NT5C2: variants seen among roughly 807,000 people sequenced by gnomAD.
NT5C2 encodes the protein cytosolic purine 5'-nucleotidase.
NT5C2 carries 58 observed loss-of-function variants against 76.1 expected under a neutral mutation model. That is an observed-to-expected ratio of 0.76 (90% confidence interval 0.62 to 0.95). The LOEUF (loss-of-function observed/expected upper bound fraction) is 0.95. Among genes scored for constraint, NT5C2 ranks in the 40% least tolerant of loss-of-function variants. The pLI is 0.00. For missense variants in NT5C2, 478 were observed against 690.3 expected (o/e 0.69, Z 3.45); for synonymous variants, 229 against 237.4 (o/e 0.96, Z 0.32).
At chr10:103,149,060 G>A (rs1218048933) in intron 3 of NT5C2, among the ~76,000 whole-genome samples, 1 of 152,096 alleles carries the variant, frequency 6.6e-6, no homozygotes, top group Non-Finnish European at 1.5e-5. Context: ...GTCCAGGGAG[G>A]GGGAAAATCT....
chr10:103,161,845 C>A (rs1424899021), intron 3 of NT5C2, among the ~76,000 whole-genome samples: 1 of 152,012 alleles, frequency 6.6e-6, no homozygotes, highest in Non-Finnish European at 1.5e-5. Context: ...TCCATAGAGA[C>A]AGAAAGTAAA....
rs2066171375 is a variant in NT5C2, at chr10:103,089,608, CGTTT to C, written c.*60_*63del. On this transcript the variant is annotated 3_prime_UTR_variant, in exon 19 of 19. Coordinates refer to ENST00000404739, the MANE Select transcript of NT5C2 (RefSeq NM_001351169.2). Reference sequence around the variant, plus strand: ...CCGAGTAGAACCCTAACAGGGACCTCGTTTGTTCCTGTGAGTCCTGCCAGGACTT... The same window carrying C: ...CCGAGTAGAACCCTAACAGGGACCTCGTTCCTGTGAGTCCTGCCAGGACTT... 1.3e-6 allele frequency: 2 copies of C among 1,493,834 alleles called. No individual in the cohort carries two copies. Among genetic ancestry groups the C allele is most frequent in the African/African-American group, 2.8e-5 (2 of 71,336 alleles). 92.5% of individuals were successfully genotyped at this position (1,493,834 alleles called of 1,614,324 possible). A position where few individuals can be genotyped will look rare whatever the true frequency, so the allele number is the denominator to read the frequency against.
chr10:103,133,274 T>C (rs2078577700), intron 4 of NT5C2, among the ~76,000 whole-genome samples: 1 of 139,936 alleles, frequency 7.1e-6, no homozygotes, highest in Non-Finnish European at 1.6e-5. Flanking sequence ...TCCATTAAAC[T>C]TTTTTTTTTT....
Position 103,105,329 on chromosome 10 carries a change from AT to A in NT5C2, c.389+376del, listed in dbSNP as rs1215008705. 6.7e-6 allele frequency: 5 copies of A among 750,686 alleles called. No individual in the cohort carries two copies. In the East Asian group the frequency reaches 4.8e-4, roughly 72 times the overall value. 46.5% of individuals were successfully genotyped at this position (750,686 alleles called of 1,614,324 possible). A position where few individuals can be genotyped will look rare whatever the true frequency, so the allele number is the denominator to read the frequency against. On this transcript the variant is annotated intron_variant, in intron 6 of 18. Coordinates refer to ENST00000404739, the MANE Select transcript of NT5C2 (RefSeq NM_001351169.2). ...ATCATTTAAATTGCTATAGTTTAAA[AT>A]TTTTTCAAAGCATTTTTATATACAT...
At chr10:103,190,582 A>C (rs2092562395) in intron 1 of NT5C2, among the ~76,000 whole-genome samples, 1 of 152,198 alleles carries the variant, frequency 6.6e-6, no homozygotes, top group Non-Finnish European at 1.5e-5. Context: ...TTCCCTTCTC[A>C]AGGTGAGAGA....
At chr10:103,115,322 A>C (rs1166298702) in intron 4 of NT5C2, among the ~76,000 whole-genome samples, 1 of 152,138 alleles carries the variant, frequency 6.6e-6, no homozygotes, top group Non-Finnish European at 1.5e-5. Context: ...GAATTGCTTG[A>C]ACCCGGGAGG....
At chr10:103,110,290 T>C (rs1043053214) in intron 4 of NT5C2, among the ~76,000 whole-genome samples, 1 of 152,122 alleles carries the variant, frequency 6.6e-6, no homozygotes, top group African/African-American at 2.4e-5. Flanking sequence ...ACCCCGTCTC[T>C]ACTAAAAACA....
At chr10:103,097,252 A>T in intron 11 of NT5C2, 39 bp downstream of exon 11, 1 of 1,445,494 alleles carries the variant, frequency 6.9e-7, no homozygotes, top group Non-Finnish European at 9.6e-7. Context: ...GGCCAAAATA[A>T]TTCCACTGCA....
rs750090430 is a variant in NT5C2, at chr10:103,097,315, G to T, written c.747C>A (p.Thr249=). The change falls in exon 11 of 19, where the codon ACC becomes ACA. Residue 249 remains threonine (T), a synonymous_variant. Transcript: ENST00000404739. ...CATCTGTATATTTATAGTCACTGTTGGTAGCAAGAAATACTTTCCCTACTT... is the reference window on the plus strand; with the variant it reads ...CATCTGTATATTTATAGTCACTGTTTGTAGCAAGAAATACTTTCCCTACTT... The part of the protein sequence containing the change: ...MKEVGKVFLA[T]NSDYKYTDKI... 1.4e-5 allele frequency: 23 copies of T among 1,613,056 alleles called. No individual in the cohort carries two copies. Among genetic ancestry groups the T allele is most frequent in the Non-Finnish European group, 2.0e-5 (23 of 1,179,392 alleles).
intron 4 of NT5C2, among the ~76,000 whole-genome samples, chr10:103,119,323 C>A (rs1216798488): frequency 6.6e-6 from 1 of 152,098 alleles, no homozygotes; most frequent in African/African-American, 2.4e-5. Flanking sequence ...GAGCTGAGAT[C>A]GCGCCATTGT....
At chr10:103,091,655 A>C in intron 15 of NT5C2, 40 bp from the exon 16 acceptor site, 1 of 1,541,778 alleles carries the variant, frequency 6.5e-7, no homozygotes, top group Non-Finnish European at 9.0e-7. Context: ...CATTTTAAAT[A>C]AATAAGCACC....
At chr10:103,129,804 C>T (rs1435769244) in intron 4 of NT5C2, among the ~76,000 whole-genome samples, 29 of 94,350 alleles carry the variant, frequency 3.1e-4, no homozygotes, top group African/African-American at 1.1e-3. Context: ...AGGTGAGGGG[C>T]GCCTCTGCCC....
At chr10:103,166,592 A>T (rs1292388499) in intron 3 of NT5C2, among the ~76,000 whole-genome samples, 1 of 151,948 alleles carries the variant, frequency 6.6e-6, no homozygotes, top group Non-Finnish European at 1.5e-5. Flanking sequence ...CATGAATAAA[A>T]GCATTAGAAT....
In NT5C2 at chr10:103,100,038, AACATG is replaced by A. The variant is rs1564954890; in HGVS notation, c.540-24_540-20del. ...TTCACAACTACAGAAAGATAAAAAT[AACATG>A]ACAGGGGATCCAAAACAGGGTAAAC... On this transcript the variant is annotated intron_variant, in intron 8 of 18. Coordinates refer to ENST00000404739, the MANE Select transcript of NT5C2 (RefSeq NM_001351169.2). 1.3e-6 allele frequency: 2 copies of A among 1,528,934 alleles called. No homozygotes were observed. The highest frequency in any genetic ancestry group is 3.4e-5 in the Admixed American group (2 of 59,670). The allele number at this position is 1,528,934 out of a possible 1,614,324, so 94.7% of individuals were successfully genotyped here.
At chr10:103,124,767 T>C (rs1028935857) in intron 4 of NT5C2, among the ~76,000 whole-genome samples, 1 of 151,844 alleles carries the variant, frequency 6.6e-6, no homozygotes, top group Non-Finnish European at 1.5e-5. Context: ...TACCACACCA[T>C]GAGGTTTTTT....
intron 3 of NT5C2, among the ~76,000 whole-genome samples, chr10:103,141,552 T>A (rs1235404628): frequency 6.6e-6 from 1 of 152,166 alleles, no homozygotes; most frequent in Non-Finnish European, 1.5e-5. Context: ...AATATACAGA[T>A]TTGTGTATTG....
chr10:103,094,553 G>C (rs982741210), intron 12 of NT5C2, 98 bp from the exon 13 acceptor site: 1 of 700,458 alleles, frequency 1.4e-6, no homozygotes, highest in Non-Finnish European at 2.6e-6. Context: ...AAAATACTAA[G>C]TATAGCCAGA....
At chr10:103,100,521 A>T (rs1417615129) in intron 8 of NT5C2, 1 of 370,254 alleles carries the variant, frequency 2.7e-6, no homozygotes, top group African/African-American at 2.1e-5. Context: ...AGATGGCTAA[A>T]CTTTCAGTAT....
intron 1 of NT5C2, among the ~76,000 whole-genome samples, chr10:103,185,221 A>T (rs1033384811): frequency 6.6e-5 from 10 of 152,194 alleles, no homozygotes; most frequent in Non-Finnish European, 1.0e-4. Context: ...CTATTTCTTC[A>T]AAACGTTGCC....
Sources: allele counts gnomAD v4.1 joint callset (sites outside exome capture counted in the v4.1 genomes callset), GRCh38; gene constraint gnomAD v4.1.1; transcripts MANE v1.5; gene names NCBI Gene and HGNC (gene_info 2026-07-23, HGNC 2026-07-21).